QTGAL: variants seen among roughly 807,000 people sequenced by gnomAD.
QTGAL encodes the protein queuosine-tRNA galactosyltransferase, also known as BGnT-like protein 1.
chr17:82,947,208 CT>C, the QTGAL span: 1,277 of 532,842 alleles, frequency 2.4e-3, 2 homozygotes, highest in African/African-American at 3.7e-3. Context: ...GAGGCCCCCC[CT>C]GCCTTCTGGC....
chr17:82,943,688 G>A, the QTGAL span: 1 of 152,268 alleles, frequency 6.6e-6, no homozygotes, highest in South Asian at 2.1e-4. Context: ...CGGGATGTGT[G>A]TGACGACCTG....
chr17:82,961,332 C>A, the QTGAL span: 1 of 884,116 alleles, frequency 1.1e-6, no homozygotes, highest in Non-Finnish European at 1.5e-6. Context: ...TCAACAGGGA[C>A]GTGGGGCGGC....
chr17:82,972,828 G>A, the QTGAL span, among the ~76,000 whole-genome samples: 4 of 143,534 alleles, frequency 2.8e-5, no homozygotes, highest in Non-Finnish European at 4.5e-5. Context: ...GGGGCTAGAA[G>A]GACCTGGTGC....
chr17:83,036,396 G>T, the QTGAL span, among the ~76,000 whole-genome samples: 1 of 152,212 alleles, frequency 6.6e-6, no homozygotes, highest in African/African-American at 2.4e-5. Context: ...GGGGCTTCTG[G>T]GGGCTGCGAT....
the QTGAL span, among the ~76,000 whole-genome samples, chr17:82,951,819 G>A: frequency 5.9e-5 from 9 of 151,666 alleles, no homozygotes; most frequent in East Asian, 1.9e-4. Context: ...GGGGGGGAGC[G>A]GGGAGGCGAC....
chr17:82,957,208 T>C, the QTGAL span: 1 of 1,614,178 alleles, frequency 6.2e-7, no homozygotes, highest in East Asian at 2.2e-5. Context: ...AATAGAAGCC[T>C]TTCCTGATCT....
chr17:82,947,090 A>C, the QTGAL span: 1 of 906,918 alleles, frequency 1.1e-6, no homozygotes, highest in African/African-American at 1.7e-5. Context: ...TCCACCTGTC[A>C]AGTGTTCTGC....
the QTGAL span, among the ~76,000 whole-genome samples, chr17:83,036,353 C>T: frequency 6.6e-6 from 1 of 152,174 alleles, no homozygotes; most frequent in East Asian, 1.9e-4. Context: ...AAGCAGCTGC[C>T]CTTGGGGAAG....
the QTGAL span, chr17:82,942,354 G>C: frequency 6.4e-7 from 1 of 1,566,724 alleles, no homozygotes; most frequent in Non-Finnish European, 8.8e-7. Context: ...AACCGTGTCA[G>C]TCCCCACACA....
At chr17:82,973,503 T>G in the QTGAL span, among the ~76,000 whole-genome samples, 65,001 of 151,948 alleles carry the variant, frequency 0.43, 14,310 homozygotes, top group African/African-American at 0.54. Flanking sequence ...ATGAAAAGCT[T>G]TTTCCAGCAG....
chr17:82,986,554 T>A, the QTGAL span, among the ~76,000 whole-genome samples: 1 of 152,262 alleles, frequency 6.6e-6, no homozygotes, highest in Non-Finnish European at 1.5e-5. Context: ...GGTCTTTTTC[T>A]TCCCCCGCTT....
the QTGAL span, among the ~76,000 whole-genome samples, chr17:83,035,462 C>A: frequency 6.6e-6 from 1 of 152,146 alleles, no homozygotes; most frequent in Non-Finnish European, 1.5e-5. Flanking sequence ...AGCCACCGCA[C>A]CCGCCCAATA....
chr17:82,945,482 G>A, the QTGAL span: 2 of 152,232 alleles, frequency 1.3e-5, no homozygotes, highest in Non-Finnish European at 2.9e-5. Flanking sequence ...CAGCACTGGA[G>A]TTGAGCAGTG....
the QTGAL span, among the ~76,000 whole-genome samples, chr17:82,970,931 C>T: frequency 4.6e-5 from 7 of 152,274 alleles, no homozygotes; most frequent in African/African-American, 1.7e-4. Flanking sequence ...GAGCGGAAGG[C>T]AGTGGTGTAC....
chr17:82,956,918 G>C, the QTGAL span: 53 of 1,055,322 alleles, frequency 5.0e-5, no homozygotes, highest in Non-Finnish European at 6.8e-5. The surrounding 1 kb of genome is among the most constrained non-coding windows in gnomAD (Gnocchi z 5.7). Flanking sequence ...GACTGCGGCA[G>C]GTGTTCAGAG....
At chr17:83,050,400 C>T in the QTGAL span, among the ~76,000 whole-genome samples, 1 of 151,746 alleles carries the variant, frequency 6.6e-6, no homozygotes, top group East Asian at 1.9e-4. Flanking sequence ...AAAAATAAAA[C>T]GAGTTCCCTA....
the QTGAL span, chr17:83,014,538 T>C: frequency 1.2e-6 from 2 of 1,613,476 alleles, no homozygotes; most frequent in Non-Finnish European, 1.7e-6. Flanking sequence ...AAGAACACAC[T>C]TTCCGTTTGT....
At chr17:82,973,712 G>C in the QTGAL span, among the ~76,000 whole-genome samples, 1 of 152,198 alleles carries the variant, frequency 6.6e-6, no homozygotes, top group Non-Finnish European at 1.5e-5. Context: ...AGTTACCTGC[G>C]TGTAGTTGTA....
At chr17:83,012,355 G>A in the QTGAL span, among the ~76,000 whole-genome samples, 1 of 152,226 alleles carries the variant, frequency 6.6e-6, no homozygotes, top group Admixed American at 6.5e-5. Context: ...CATTAATGAA[G>A]CCAATCTGGG....
Sources: allele counts gnomAD v4.1 joint callset (sites outside exome capture counted in the v4.1 genomes callset), GRCh38; gene constraint gnomAD v4.1.1; non-coding constraint Gnocchi (gnomAD v3.1); transcripts MANE v1.5; gene names NCBI Gene and HGNC (gene_info 2026-07-23, HGNC 2026-07-21).